The following ADAMTS17 variants were observed in gnomAD, a reference collection of about 807,000 sequenced individuals.
ADAMTS17 encodes the protein ADAM metallopeptidase with thrombospondin type 1 motif 17.
Under a neutral mutation model 141.5 loss-of-function variants are expected in ADAMTS17, and 113 were observed. That is an observed-to-expected ratio of 0.80 (90% confidence interval 0.69 to 0.93). ADAMTS17 has a LOEUF of 0.93. Among genes scored for constraint, ADAMTS17 ranks in the 40% least tolerant of loss-of-function variants. The pLI is 0.00. For synonymous variants in ADAMTS17, 768 were observed against 630.6 expected (o/e 1.22, Z -3.27); for missense variants, 1,659 against 1,517.9 (o/e 1.09, Z -1.54).
At chr15:100,099,686 G>T (rs1217909234) in intron 14 of ADAMTS17, among the ~76,000 whole-genome samples, 3 of 152,192 alleles carry the variant, frequency 2.0e-5, no homozygotes, top group African/African-American at 7.2e-5. Context: ...CAGGGTGTAT[G>T]TGACACCAAA....
chr15:100,149,733 C>G (rs1179895204), intron 10 of ADAMTS17, among the ~76,000 whole-genome samples: 1 of 152,202 alleles, frequency 6.6e-6, no homozygotes, highest in African/African-American at 2.4e-5. Context: ...CCCTTCCTCT[C>G]CCTTGTTCAG....
chr15:99,980,714 G>GA (rs1414136780), intron 20 of ADAMTS17: 1 of 152,250 alleles, frequency 6.6e-6, no homozygotes, highest in Non-Finnish European at 1.5e-5. Flanking sequence ...ATATGTATGT[G>GA]AAAATCACAC....
chr15:100,138,808 G>A (rs1213494531), intron 10 of ADAMTS17, among the ~76,000 whole-genome samples: 1 of 152,174 alleles, frequency 6.6e-6, no homozygotes, highest in African/African-American at 2.4e-5. Flanking sequence ...TACTATGGCC[G>A]CAATGATCTC....
chr15:100,093,852 G>C (rs1407624071), intron 15 of ADAMTS17, among the ~76,000 whole-genome samples: 3 of 152,124 alleles, frequency 2.0e-5, no homozygotes, highest in African/African-American at 7.2e-5. Flanking sequence ...CGGTTAAAAT[G>C]TAGTCATGCT....
At position 100,113,859 on chromosome 15, in the gene ADAMTS17, C is replaced by A. The variant is rs1276890965; in HGVS notation, c.1888+2988G>T. 2.6e-5 allele frequency among the ~76,000 whole-genome samples: 4 copies of A among 152,204 alleles called. No individual in the cohort carries two copies. In the East Asian group the frequency reaches 7.7e-4, roughly 29 times the overall value. On this transcript the variant is annotated intron_variant, in intron 13 of 21. Transcript: ENST00000268070. ...CGTGCCAGGCAGGAGGCGCTGGGAA[C>A]GCACAGCCACGTCCAGACGCAGCCT...
At chr15:100,170,920 C>T (rs2040135478) in intron 8 of ADAMTS17, among the ~76,000 whole-genome samples, 1 of 152,108 alleles carries the variant, frequency 6.6e-6, no homozygotes, top group African/African-American at 2.4e-5. Context: ...TATTGAGTCA[C>T]TAAAATAAGT....
chr15:100,309,221 G>A (rs116550512), intron 3 of ADAMTS17, among the ~76,000 whole-genome samples: 1,614 of 152,310 alleles, frequency 0.011, 25 homozygotes, highest in African/African-American at 0.034. Flanking sequence ...GGGCGTGGTG[G>A]CACACACCTC....
At chr15:100,208,493 C>T (rs1445121438) in intron 7 of ADAMTS17, among the ~76,000 whole-genome samples, 1 of 152,046 alleles carries the variant, frequency 6.6e-6, no homozygotes, top group Admixed American at 6.6e-5. Context: ...GGATGTTTGC[C>T]TTATAATAAT....
chr15:100,079,669 T>A (rs2034603935), intron 15 of ADAMTS17, among the ~76,000 whole-genome samples: 1 of 152,188 alleles, frequency 6.6e-6, no homozygotes, highest in African/African-American at 2.4e-5. Context: ...ACCTTTTCCA[T>A]CATGGAAACG....
At chr15:100,208,878 T>C (rs2041682333) in intron 7 of ADAMTS17, among the ~76,000 whole-genome samples, 1 of 152,136 alleles carries the variant, frequency 6.6e-6, no homozygotes, top group African/African-American at 2.4e-5. Flanking sequence ...TGATGTGTAT[T>C]AGTCAAAGTC....
At position 100,325,440 on chromosome 15, in the gene ADAMTS17, G is replaced by C. The variant is rs150512903; in HGVS notation, c.616+5449C>G. Reference sequence around the variant, plus strand: ...TGGACGGAGACATGCAGAGAGATAAGACCATGTGAAGACACAGGGAGAGGA... The same window carrying C: ...TGGACGGAGACATGCAGAGAGATAACACCATGTGAAGACACAGGGAGAGGA... On this transcript the variant is annotated intron_variant, in intron 3 of 21. Transcript: ENST00000268070. 4.5e-3 allele frequency among the ~76,000 whole-genome samples: 684 copies of C among 152,324 alleles called. 7 individuals are homozygous for C. Among genetic ancestry groups the C allele is most frequent in the African/African-American group, 0.015 (634 of 41,578 alleles).
intron 8 of ADAMTS17, among the ~76,000 whole-genome samples, chr15:100,195,196 T>C (rs1596245221): frequency 6.6e-6 from 1 of 152,328 alleles, no homozygotes; most frequent in Middle Eastern, 3.4e-3. Flanking sequence ...TGACTCTGCC[T>C]CCAGGCAGCA....
At chr15:100,067,963 A>G (rs2033667159) in intron 15 of ADAMTS17, among the ~76,000 whole-genome samples, 2 of 152,170 alleles carry the variant, frequency 1.3e-5, no homozygotes, top group African/African-American at 4.8e-5. Context: ...GCATCCCATC[A>G]CCCGGGAAGC....
intron 8 of ADAMTS17, among the ~76,000 whole-genome samples, chr15:100,170,052 A>G (rs2040102587): frequency 6.6e-6 from 1 of 151,658 alleles, no homozygotes; most frequent in Non-Finnish European, 1.5e-5. Context: ...TTTCCCACAT[A>G]CACCCGAGGC....
At chr15:100,110,580 T>G (rs1462852407) in intron 13 of ADAMTS17, among the ~76,000 whole-genome samples, 1 of 152,178 alleles carries the variant, frequency 6.6e-6, no homozygotes, top group Non-Finnish European at 1.5e-5. Flanking sequence ...AGTATATATT[T>G]TTGAACAAAC....
chr15:100,274,845 C>A (rs894009208), intron 4 of ADAMTS17, among the ~76,000 whole-genome samples: 3 of 148,966 alleles, frequency 2.0e-5, no homozygotes, highest in Non-Finnish European at 3.0e-5. Context: ...TTTTAATTCC[C>A]TTTTCATTTG....
intron 8 of ADAMTS17, among the ~76,000 whole-genome samples, chr15:100,197,671 G>A (rs1278634973): frequency 6.6e-6 from 1 of 152,120 alleles, no homozygotes; most frequent in East Asian, 1.9e-4. Context: ...TCAGTATCAT[G>A]GGATTTCCTC....
intron 18 of ADAMTS17, among the ~76,000 whole-genome samples, chr15:100,021,317 C>G (rs2061403363): frequency 6.6e-6 from 1 of 152,164 alleles, no homozygotes; most frequent in African/African-American, 2.4e-5. Context: ...GGGTTAGGAT[C>G]TGGGCGTCAT....
Position 100,234,940 on chromosome 15 carries a change from A to T in ADAMTS17, c.1075+19196T>A, listed in dbSNP as rs73478098. On this transcript the variant is annotated intron_variant, in intron 7 of 21. Transcript: ENST00000268070. ...TATCTGGAATATTGTGCAACCAAAC[A>T]AGAGAAAGGCAGTGGGAACATGAGG... Among the ~76,000 whole-genome samples the T allele has an allele frequency of 6.9e-3, 1,044 of 152,344 alleles. 16 individuals are homozygous for T. Among genetic ancestry groups the T allele is most frequent in the African/African-American group, 0.022 (921 of 41,580 alleles).
Sources: allele counts gnomAD v4.1 joint callset (sites outside exome capture counted in the v4.1 genomes callset), GRCh38; gene constraint gnomAD v4.1.1; transcripts MANE v1.5; gene names NCBI Gene and HGNC (gene_info 2026-07-23, HGNC 2026-07-21).